The following MDGA2 variants were observed in gnomAD, a reference collection of about 807,000 sequenced individuals.
MDGA2 encodes MAM domain containing glycosylphosphatidylinositol anchor 2.
A neutral mutation model predicts 117.8 loss-of-function variants in MDGA2; 40 were observed. The ratio of observed to expected loss-of-function variants is 0.34; its 90% confidence interval spans 0.26 to 0.44. MDGA2 has a LOEUF of 0.44. Ranked by LOEUF, MDGA2 falls within the 20% of genes least tolerant of loss-of-function variation. The pLI, the probability that MDGA2 is intolerant of heterozygous loss-of-function variation, is 1.00. For synonymous variants in MDGA2, 452 were observed against 439.0 expected, an observed-to-expected ratio of 1.03 and a Z score of -0.37; for missense variants, 1,123 against 1,250.6, an observed-to-expected ratio of 0.90 and a Z score of 1.54.
intron 8 of MDGA2, among the ~76,000 whole-genome samples, chr14:46,976,981 G>T: frequency 6.6e-6 from 1 of 151,754 alleles, no homozygotes; most frequent in East Asian, 1.9e-4. Context: ...TCATTCTCAT[G>T]GAATTTAAGA....
At chr14:47,481,039 A>G (rs544015167) in intron 1 of MDGA2, among the ~76,000 whole-genome samples, 8 of 152,090 alleles carry the variant, frequency 5.3e-5, no homozygotes, top group South Asian at 2.1e-4. Context: ...ACAGGCTAAC[A>G]CTTAAGAACA....
At chr14:46,956,795 T>C (rs1885578793) in intron 9 of MDGA2, among the ~76,000 whole-genome samples, 2 of 152,154 alleles carry the variant, frequency 1.3e-5, no homozygotes, top group Non-Finnish European at 2.9e-5. Flanking sequence ...TCCCCACTTC[T>C]CAGGGGAGGG....
intron 1 of MDGA2, among the ~76,000 whole-genome samples, chr14:47,351,532 T>C (rs1890881743): frequency 1.3e-5 from 2 of 152,204 alleles, no homozygotes; most frequent in African/African-American, 4.8e-5. Context: ...TATTCTTGGT[T>C]AAGGCTCAAT....
At chr14:46,910,610 T>G (rs1171945399) in intron 10 of MDGA2, among the ~76,000 whole-genome samples, 1 of 151,956 alleles carries the variant, frequency 6.6e-6, no homozygotes, top group South Asian at 2.1e-4. Context: ...TAATTCAACA[T>G]AACAATGGGA....
chr14:47,199,962 G>T (rs1274497355), intron 3 of MDGA2, among the ~76,000 whole-genome samples: 2 of 151,614 alleles, frequency 1.3e-5, no homozygotes, highest in African/African-American at 4.8e-5. Flanking sequence ...AAATACAGAT[G>T]ACATAAGAAC....
intron 5 of MDGA2, among the ~76,000 whole-genome samples, chr14:47,118,737 C>T (rs536007170): frequency 2.7e-4 from 41 of 152,016 alleles, no homozygotes; most frequent in African/African-American, 9.9e-4. Context: ...ATAAAAACAA[C>T]AACATCAACA....
intron 1 of MDGA2, among the ~76,000 whole-genome samples, chr14:47,665,717 G>GCCC (rs1897935446): frequency 1.3e-5 from 2 of 152,092 alleles, no homozygotes; most frequent in South Asian, 2.1e-4. Context: ...AGCACTGCTG[G>GCCC]CCCACCAGCA....
intron 1 of MDGA2, among the ~76,000 whole-genome samples, chr14:47,480,095 A>G (rs890935276): frequency 6.6e-6 from 1 of 152,038 alleles, no homozygotes; most frequent in Non-Finnish European, 1.5e-5. Context: ...CAATGTTTCG[A>G]TTATTTAGAA....
intron 5 of MDGA2, among the ~76,000 whole-genome samples, chr14:47,101,397 C>T (rs1880317325): frequency 1.3e-5 from 2 of 152,144 alleles, no homozygotes; most frequent in South Asian, 4.1e-4. Flanking sequence ...TTGGACTGAG[C>T]AACAGACACT....
chr14:47,074,052 T>A (rs1890393537), intron 6 of MDGA2, among the ~76,000 whole-genome samples: 1 of 152,124 alleles, frequency 6.6e-6, no homozygotes, highest in Non-Finnish European at 1.5e-5. Context: ...CTTTCCCATG[T>A]ATTTATGAAC....
At chr14:47,202,878 A>G (rs1885560340) in intron 3 of MDGA2, among the ~76,000 whole-genome samples, 1 of 152,116 alleles carries the variant, frequency 6.6e-6, no homozygotes, top group Non-Finnish European at 1.5e-5. Flanking sequence ...ACAAATGTTA[A>G]TGCTATAGAA....
At chr14:47,409,280 T>G (rs1422515526) in intron 1 of MDGA2, among the ~76,000 whole-genome samples, 1 of 152,118 alleles carries the variant, frequency 6.6e-6, no homozygotes, top group Non-Finnish European at 1.5e-5. Context: ...TAAAAGATAA[T>G]GGGAACTTAA....
intron 1 of MDGA2, among the ~76,000 whole-genome samples, chr14:47,614,488 A>C (rs1896913899): frequency 6.6e-6 from 1 of 152,184 alleles, no homozygotes; most frequent in African/African-American, 2.4e-5. Flanking sequence ...CTGGCCTTCC[A>C]TTAATGTTAT....
intron 1 of MDGA2, among the ~76,000 whole-genome samples, chr14:47,631,375 C>G (rs954292200): frequency 1.3e-5 from 2 of 152,170 alleles, no homozygotes; most frequent in African/African-American, 4.8e-5. Flanking sequence ...GCCCAAACTC[C>G]TTTCCAGGAA....
intron 1 of MDGA2, among the ~76,000 whole-genome samples, chr14:47,421,315 C>A (rs1293933413): frequency 6.6e-6 from 1 of 152,104 alleles, no homozygotes; most frequent in Non-Finnish European, 1.5e-5. Flanking sequence ...CAAGAAAAAA[C>A]AAAACAGAAC....
intron 8 of MDGA2, among the ~76,000 whole-genome samples, chr14:47,010,608 T>A (rs920025858): frequency 8.6e-5 from 13 of 151,852 alleles, no homozygotes; most frequent in African/African-American, 3.1e-4. Flanking sequence ...TTTAGGGGAG[T>A]CATTAACACA....
At chr14:47,315,328 G>A (rs994437221) in intron 1 of MDGA2, among the ~76,000 whole-genome samples, 15 of 151,974 alleles carry the variant, frequency 9.9e-5, no homozygotes, top group African/African-American at 3.4e-4. Context: ...TTTTGTTTCT[G>A]GCCTTCAGAA....
rs869212994 is a variant in MDGA2 at position 47,402,336 on chromosome 14, GC to G, written c.281-100787del. ...TAGGGTAGAAACCCCAGAAACCCCC[GC>G]CCCCCCACCCCGCAAAAAAAAGAGA... is the stretch of plus-strand genomic sequence containing the variant. On this transcript the variant is annotated intron_variant, in intron 1 of 16. Transcript: ENST00000399232. Among the ~76,000 whole-genome samples the G allele has an allele frequency of 3.6e-3, 84 of 23,638 alleles. 8 individuals are homozygous for G. The highest frequency in any genetic ancestry group is 0.018 in the African/African-American group (80 of 4,430). 15.5% of individuals were successfully genotyped at this position (23,638 alleles called of 152,430 possible).
chr14:47,226,513 C>T (rs993467537), intron 2 of MDGA2, among the ~76,000 whole-genome samples: 7 of 151,976 alleles, frequency 4.6e-5, no homozygotes, highest in East Asian at 1.9e-4. Flanking sequence ...AATAAACAAT[C>T]GGAGAAAACA....
Sources: gnomAD v4.1 joint callset for allele counts (sites outside exome capture counted in the v4.1 genomes callset) on GRCh38, gnomAD v4.1.1 for gene constraint, MANE v1.5 for transcripts, NCBI Gene and HGNC (gene_info 2026-07-23, HGNC 2026-07-21) for gene names.